ADSS2: variants seen among roughly 807,000 people sequenced by gnomAD.
ADSS2 encodes the protein adenylosuccinate synthase 2.
ADSS2 carries 30 observed loss-of-function variants against 60.0 expected under a neutral mutation model. That is an observed-to-expected ratio of 0.50 (90% CI 0.37 to 0.68). The LOEUF (loss-of-function observed/expected upper bound fraction) is 0.68, where lower values mean the gene tolerates loss of function less well. Ranked by LOEUF, ADSS2 falls within the 30% of genes least tolerant of loss-of-function variation. ADSS2 has a pLI of 0.00. For synonymous variants in ADSS2, 187 were observed against 193.1 expected (o/e 0.97, Z 0.26); for missense variants, 373 against 554.8 (o/e 0.67, Z 3.29).
chr1:244,443,550 A>G (rs530171366), intron 1 of ADSS2, among the ~76,000 whole-genome samples: 1 of 152,244 alleles, frequency 6.6e-6, no homozygotes, highest in Non-Finnish European at 1.5e-5. Context: ...TTTCCTAGAA[A>G]TAAGTCATAT....
intron 4 of ADSS2, chr1:244,424,936 A>G (rs1664769818): frequency 6.5e-6 from 1 of 152,850 alleles, no homozygotes; most frequent in Admixed American, 6.5e-5. Flanking sequence ...TGCTCTAAAA[A>G]AAGAGACAAA....
intron 7 of ADSS2, among the ~76,000 whole-genome samples, chr1:244,420,958 T>C (rs1033670291): frequency 1.6e-4 from 25 of 152,294 alleles, no homozygotes; most frequent in African/African-American, 5.8e-4. Context: ...AGTGCTGAAT[T>C]ACAGGTGTAA....
chr1:244,421,626 C>T (rs893867031), intron 7 of ADSS2, among the ~76,000 whole-genome samples: 52 of 152,276 alleles, frequency 3.4e-4, no homozygotes, highest in Non-Finnish European at 1.5e-4. Flanking sequence ...ATTGAAAAGC[C>T]ATACTCATAG....
At chr1:244,430,042 C>T (rs763899341) in intron 4 of ADSS2, among the ~76,000 whole-genome samples, 27 of 152,054 alleles carry the variant, frequency 1.8e-4, no homozygotes, top group Non-Finnish European at 3.1e-4. Context: ...TTTCAGTCTG[C>T]GCTTATCTTC....
chr1:244,409,677 A>G (rs1271997855), intron 12 of ADSS2, 39 bp from the exon 13 acceptor site: 1 of 1,483,710 alleles, frequency 6.7e-7, no homozygotes, highest in East Asian at 2.3e-5. Context: ...GAATCAATTC[A>G]TCTCTAATGT....
intron 1 of ADSS2, among the ~76,000 whole-genome samples, chr1:244,450,352 A>G (rs1342291407): frequency 6.6e-6 from 1 of 152,246 alleles, no homozygotes; most frequent in Non-Finnish European, 1.5e-5. Flanking sequence ...ACAGTTTCCT[A>G]AGAGGCAATT....
chr1:244,424,291 T>C (rs1219945222), intron 5 of ADSS2, 30 bp downstream of exon 5: 2 of 1,602,230 alleles, frequency 1.2e-6, no homozygotes. Context: ...ATGCTTAAAC[T>C]GTACCAAAAA....
chr1:244,419,007 TATAGGTATC>T, intron 8 of ADSS2, 93 bp from the exon 9 acceptor site: 1 of 1,175,702 alleles, frequency 8.5e-7, no homozygotes, highest in East Asian at 2.6e-5. Flanking sequence ...TTGAGTATAT[TATAGGTATC>T]TAACAGATCT....
intron 1 of ADSS2, among the ~76,000 whole-genome samples, chr1:244,440,273 T>A (rs1665204230): frequency 6.6e-6 from 1 of 152,156 alleles, no homozygotes; most frequent in Admixed American, 6.5e-5. Context: ...AAATTGAATG[T>A]TACAACTTTT....
intron 3 of ADSS2, among the ~76,000 whole-genome samples, chr1:244,436,128 G>A (rs745742073): frequency 1.3e-5 from 2 of 152,160 alleles, no homozygotes; most frequent in African/African-American, 2.4e-5. Flanking sequence ...GCATGAGGTC[G>A]GGTATGGAAC....
chr1:244,417,424 C>A (rs956681351), intron 10 of ADSS2, among the ~76,000 whole-genome samples: 1 of 152,146 alleles, frequency 6.6e-6, no homozygotes, highest in Non-Finnish European at 1.5e-5. Flanking sequence ...TTTTCAACAA[C>A]CTTGGATGTC....
At chr1:244,428,126 A>G (rs1174076368) in intron 4 of ADSS2, among the ~76,000 whole-genome samples, 5 of 152,230 alleles carry the variant, frequency 3.3e-5, no homozygotes, top group African/African-American at 1.2e-4. Flanking sequence ...ATTTGATTTA[A>G]TTGGCATTTA....
rs56001597 is a variant in ADSS2, at chr1:244,444,514, C to CAAAAAAAAAAAAAAA, written c.184-6761_184-6747dup. 3.8e-4 allele frequency among the ~76,000 whole-genome samples: 16 copies of CAAAAAAAAAAAAAAA among 42,546 alleles called. 1 individual carries two copies. Among genetic ancestry groups the CAAAAAAAAAAAAAAA allele is most frequent in the African/African-American group, 8.6e-4 (10 of 11,640 alleles). The allele number at this position is 42,546 out of a possible 152,430, so 27.9% of individuals were successfully genotyped here. A position where few individuals can be genotyped will look rare whatever the true frequency, so the allele number is the denominator to read the frequency against. On this transcript the variant is annotated intron_variant, in intron 1 of 12. Transcript: ENST00000366535. The stretch of plus-strand genomic sequence containing the variant: ...TGGGCGACAGAGCGAGACTCCATCT[C>CAAAAAAAAAAAAAAA]AAAAAAAAAAAAAAAAAAAAAAGAT...
rs568151985 is a variant in ADSS2 at position 244,442,102 on chromosome 1, G to T, written c.184-4334C>A. ...AGCTATACCAATATAATCATTTGAT[G>T]AATTATTATTTGACAATTATTACTG... is the stretch of plus-strand genomic sequence containing the variant. On this transcript the variant is annotated intron_variant, in intron 1 of 12. Transcript: ENST00000366535. Among the ~76,000 whole-genome samples, 4 of 152,258 alleles carry T rather than the reference G, an allele frequency of 2.6e-5. No individual in the cohort carries two copies. The East Asian group carries it at 7.7e-4, about 29-fold the overall frequency.
At chr1:244,438,771 T>C (rs563089133) in intron 1 of ADSS2, among the ~76,000 whole-genome samples, 1 of 152,340 alleles carries the variant, frequency 6.6e-6, no homozygotes, top group South Asian at 2.1e-4. Context: ...TTTTTCATTT[T>C]TGTTGCCACG....
chr1:244,443,002 A>C (rs1258530567), intron 1 of ADSS2, among the ~76,000 whole-genome samples: 2 of 152,114 alleles, frequency 1.3e-5, no homozygotes, highest in African/African-American at 4.8e-5. Context: ...ATGTATTAGA[A>C]GGGCAGATGG....
In ADSS2 at chr1:244,432,547, A is replaced by G; in HGVS notation, c.404T>C (p.Ile135Thr). The G allele has an allele frequency of 6.4e-7, 1 of 1,571,258 alleles. No homozygotes were observed. The highest frequency in any genetic ancestry group is 8.6e-7 in the Non-Finnish European group (1 of 1,156,224). The change falls in exon 4 of 13, where the codon ATT (isoleucine) becomes ACT (threonine). Residue 135 changes from isoleucine to threonine, a missense_variant and splice_region_variant. By Grantham distance (89) the Ile-to-Thr change is moderately conservative. Around this residue, in one of 5 missense-constraint regions of ADSS2, gnomAD observed 139 missense variants for 189.4 expected, o/e 0.73. Coordinates refer to ENST00000366535, the MANE Select transcript of ADSS2 (RefSeq NM_001126.5). ...KRLIISDRAH[I>T]VFDFHQAADG... ...TAAATGCAATATATCCACCTTACCA[A>G]TATGAGCTCTGTCAGATATAATAAG...
chr1:244,450,232 C>T (rs756126331), intron 1 of ADSS2, among the ~76,000 whole-genome samples: 2 of 152,066 alleles, frequency 1.3e-5, no homozygotes, highest in Non-Finnish European at 2.9e-5. Context: ...TAAGAAAGTG[C>T]GGGGCAGGAA....
intron 1 of ADSS2, among the ~76,000 whole-genome samples, chr1:244,447,484 A>G (rs953445358): frequency 3.9e-5 from 6 of 152,202 alleles, no homozygotes; most frequent in Non-Finnish European, 8.8e-5. Flanking sequence ...TATATTTACT[A>G]ACTGCAATAG....
Sources: gnomAD v4.1 joint callset for allele counts (sites outside exome capture counted in the v4.1 genomes callset) on GRCh38, gnomAD v4.1.1 for gene constraint, gnomAD v4.1.1 regional missense constraint, MANE v1.5 for transcripts, NCBI Gene and HGNC (gene_info 2026-07-23, HGNC 2026-07-21) for gene names.